HIP1: variants seen among roughly 807,000 people sequenced by gnomAD.
HIP1 encodes huntingtin-interacting protein 1.
In HIP1, 65 loss-of-function variants were observed where a neutral mutation model predicts 147.6. The observed-to-expected ratio is 0.44, with a 90% CI of 0.36 to 0.54. HIP1 has a LOEUF of 0.54. Ranked by LOEUF, HIP1 falls within the 20% of genes least tolerant of loss-of-function variation. HIP1 has a pLI of 0.00. For missense variants in HIP1, 1,061 were observed against 1,299.6 expected (o/e 0.82, Z 2.82); for synonymous variants, 479 against 504.0 (o/e 0.95, Z 0.67).
At chr7:75,664,185 CATAT>C (rs1195310217) in intron 1 of HIP1, among the ~76,000 whole-genome samples, 19 of 98,364 alleles carry the variant, frequency 1.9e-4, no homozygotes, top group Admixed American at 7.6e-4. Flanking sequence ...TATGTACATA[CATAT>C]ATACACACAT....
chr7:75,596,676 A>G (rs1163065669), intron 2 of HIP1, among the ~76,000 whole-genome samples: 2 of 152,226 alleles, frequency 1.3e-5, no homozygotes, highest in East Asian at 3.9e-4. Flanking sequence ...ATGAGCCACC[A>G]CACCTGGCCT....
chr7:75,675,264 CA>C (rs1429721067), intron 1 of HIP1, among the ~76,000 whole-genome samples: 1 of 151,894 alleles, frequency 6.6e-6, no homozygotes, highest in Non-Finnish European at 1.5e-5. Context: ...GCAGTGGTAC[CA>C]TCTCAGCTCA....
At chr7:75,692,068 T>C (rs1350647026) in intron 1 of HIP1, among the ~76,000 whole-genome samples, 1 of 152,102 alleles carries the variant, frequency 6.6e-6, no homozygotes, top group East Asian at 1.9e-4. Context: ...TTACCTCAAT[T>C]ACAACCAACC....
rs587746901 is a variant in HIP1 at position 75,595,636 on chromosome 7, G to A, written c.185-3122C>T. 1.9e-4 allele frequency among the ~76,000 whole-genome samples: 29 copies of A among 152,140 alleles called. No homozygotes were observed. In the East Asian group the frequency reaches 4.4e-3, roughly 23 times the overall value. On this transcript the variant is annotated intron_variant, in intron 2 of 30. Transcript: ENST00000336926. ...TGGGATTACAGGTGTGAGCCACTGTGCCTGGCCTTGGTGTAGGAGCGATTT... is the reference window on the plus strand; with the variant it reads ...TGGGATTACAGGTGTGAGCCACTGTACCTGGCCTTGGTGTAGGAGCGATTT...
chr7:75,574,911 G>A (rs1324059222), intron 7 of HIP1, among the ~76,000 whole-genome samples: 18 of 152,166 alleles, frequency 1.2e-4, no homozygotes, highest in African/African-American at 3.6e-4. Context: ...TGTAATCCCA[G>A]CACTTTGTGA....
chr7:75,611,444 G>T (rs1335711637), intron 1 of HIP1, among the ~76,000 whole-genome samples: 3 of 145,722 alleles, frequency 2.1e-5, no homozygotes, highest in African/African-American at 8.0e-5. Flanking sequence ...TCCAGCCTGG[G>T]TGACAGAGTG....
intron 1 of HIP1, among the ~76,000 whole-genome samples, chr7:75,699,228 C>T (rs565314615): frequency 5.9e-5 from 9 of 152,010 alleles, no homozygotes; most frequent in East Asian, 1.9e-4. Flanking sequence ...TATAGGCGCT[C>T]GGCTTTCAAA....
chr7:75,730,590 C>T (rs529578606), intron 1 of HIP1, among the ~76,000 whole-genome samples: 7 of 152,068 alleles, frequency 4.6e-5, no homozygotes, highest in African/African-American at 7.2e-5. Context: ...CCACCCGCCT[C>T]GGCCTCCCAA....
intron 1 of HIP1, among the ~76,000 whole-genome samples, chr7:75,728,220 C>T (rs563231385): frequency 5.4e-4 from 82 of 152,366 alleles, no homozygotes; most frequent in Non-Finnish European, 9.0e-4. Flanking sequence ...GCAGAGGCAG[C>T]AGCAGCAACC....
At position 75,618,253 on chromosome 7, in the gene HIP1, G is replaced by A. The variant is rs977820932; in HGVS notation, c.121-19006C>T. On this transcript the variant is annotated intron_variant, in intron 1 of 30. Transcript: ENST00000336926. ...ACCTACCTCCACCTCCTGGGTTCAA[G>A]CGATTCTCACACCTTAGCCTCCCGA... 8.5e-5 allele frequency among the ~76,000 whole-genome samples: 13 copies of A among 152,134 alleles called. No homozygotes were observed. The East Asian group carries it at 2.1e-3, about 25-fold the overall frequency.
At chr7:75,694,169 C>T (rs13246240) in intron 1 of HIP1, among the ~76,000 whole-genome samples, 2 of 152,088 alleles carry the variant, frequency 1.3e-5, no homozygotes, top group East Asian at 1.9e-4. Flanking sequence ...CCACCCACCT[C>T]GGCCTCCCAA....
intron 1 of HIP1, among the ~76,000 whole-genome samples, chr7:75,649,119 G>A (rs1798897170): frequency 6.6e-6 from 1 of 152,130 alleles, no homozygotes; most frequent in Admixed American, 6.6e-5. Context: ...CCGCCTCCCG[G>A]GTTCAAGCAA....
chr7:75,598,893 C>G (rs1796862963), intron 2 of HIP1, among the ~76,000 whole-genome samples: 1 of 152,152 alleles, frequency 6.6e-6, no homozygotes, highest in Non-Finnish European at 1.5e-5. Flanking sequence ...GGCAAGACCC[C>G]TTTTGGAAAA....
chr7:75,672,819 T>C (rs1455201305), intron 1 of HIP1, among the ~76,000 whole-genome samples: 2 of 152,110 alleles, frequency 1.3e-5, no homozygotes, highest in African/African-American at 4.8e-5. Flanking sequence ...TACATTTAGG[T>C]TTCTGATCCA....
intron 1 of HIP1, among the ~76,000 whole-genome samples, chr7:75,695,102 C>T (rs1554518629): frequency 1.3e-5 from 2 of 152,206 alleles, no homozygotes; most frequent in Non-Finnish European, 2.9e-5. Context: ...TCTCCTTATA[C>T]ATCAGCTGAT....
chr7:75,706,777 C>T (rs1801021065), intron 1 of HIP1, among the ~76,000 whole-genome samples: 1 of 99,160 alleles, frequency 1.0e-5, no homozygotes, highest in Non-Finnish European at 2.0e-5. Context: ...TGCTATCCCT[C>T]CCCCCTCCCC....
At chr7:75,732,965 G>A (rs1418466563) in intron 1 of HIP1, among the ~76,000 whole-genome samples, 1 of 152,090 alleles carries the variant, frequency 6.6e-6, no homozygotes, top group East Asian at 1.9e-4. Context: ...TGACTCACGA[G>A]CCCCCCAGAG....
chr7:75,615,625 C>T (rs1254368103), intron 1 of HIP1, among the ~76,000 whole-genome samples: 2 of 151,942 alleles, frequency 1.3e-5, no homozygotes, highest in Non-Finnish European at 2.9e-5. Context: ...CCTTTCCTTC[C>T]TTCTCCTCTG....
rs188418143 is a variant in HIP1 at position 75,646,251 on chromosome 7, G to A, written c.121-47004C>T. Among the ~76,000 whole-genome samples the A allele has an allele frequency of 7.2e-4, 109 of 152,086 alleles. 2 individuals carry two copies. In the East Asian group the frequency reaches 0.021, roughly 29 times the overall value. ...CCCGCCACCACGCCCGGCTAATTTT[G>A]TGTGTGTGTATTTTTAGTAGAGACG... On this transcript the variant is annotated intron_variant, in intron 1 of 30. Transcript: ENST00000336926.
Sources: allele counts gnomAD v4.1 joint callset (sites outside exome capture counted in the v4.1 genomes callset), GRCh38; gene constraint gnomAD v4.1.1; transcripts MANE v1.5; gene names NCBI Gene and HGNC (gene_info 2026-07-23, HGNC 2026-07-21).